Variants in RPS6KC1 observed in about 807,000 individuals in gnomAD.
RPS6KC1 encodes ribosomal protein S6 kinase C1.
Under a neutral mutation model 103.8 loss-of-function variants are expected in RPS6KC1, and 54 were observed. The observed-to-expected ratio is 0.52, with a 90% CI of 0.42 to 0.65. RPS6KC1 has a LOEUF of 0.65. Ranked by LOEUF, RPS6KC1 falls within the 30% of genes least tolerant of loss-of-function variation. RPS6KC1 has a pLI of 0.00. For synonymous variants in RPS6KC1, 439 were observed against 438.7 expected (o/e 1.00, Z -0.01); for missense variants, 1,151 against 1,253.8 (o/e 0.92, Z 1.24).
chr1:213,764,582 A>G, the RPS6KC1 span, among the ~76,000 whole-genome samples: 6 of 152,208 alleles, frequency 3.9e-5, no homozygotes, highest in African/African-American at 1.4e-4. Context: ...TAGTTCTGTG[A>G]TACCATTCCA....
chr1:213,072,238 G>A (rs6540775), intron 2 of RPS6KC1, among the ~76,000 whole-genome samples: 23,990 of 151,742 alleles, frequency 0.16, 5,028 homozygotes, highest in African/African-American at 0.49. Flanking sequence ...TACCTGGCTT[G>A]ATTCATACAT....
At chr1:213,402,755 T>C in the RPS6KC1 span, among the ~76,000 whole-genome samples, 5 of 152,130 alleles carry the variant, frequency 3.3e-5, no homozygotes, top group African/African-American at 4.8e-5. Flanking sequence ...TAAGGAGATC[T>C]ACAGGTGTCT....
At chr1:213,348,503 A>T in the RPS6KC1 span, among the ~76,000 whole-genome samples, 3 of 152,334 alleles carry the variant, frequency 2.0e-5, no homozygotes, top group East Asian at 5.8e-4. Flanking sequence ...CTGTCATTCT[A>T]TCATCTTGAG....
At chr1:213,376,540 T>C in the RPS6KC1 span, among the ~76,000 whole-genome samples, 1 of 151,950 alleles carries the variant, frequency 6.6e-6, no homozygotes, top group African/African-American at 2.4e-5. Flanking sequence ...AAAAAAGATA[T>C]GGTCCCACAG....
At chr1:213,559,371 TGTTA>T in the RPS6KC1 span, among the ~76,000 whole-genome samples, 1 of 152,192 alleles carries the variant, frequency 6.6e-6, no homozygotes, top group African/African-American at 2.4e-5. Context: ...AGCCCTCCTG[TGTTA>T]GTATCTTATT....
rs112319302 is a variant in RPS6KC1, at chr1:213,160,559, G to A, written c.836-7299G>A. On this transcript the variant is annotated intron_variant, in intron 6 of 14. Transcript: ENST00000366960. ...TAACTATTGTTTAAGTTAGAGAAAG[G>A]CACTAAGTTATAGAAAGAGGTAATT... Among the ~76,000 whole-genome samples the A allele has an allele frequency of 4.0e-3, 608 of 152,202 alleles. 3 individuals carry two copies. The highest frequency in any genetic ancestry group is 6.9e-3 in the Non-Finnish European group (467 of 68,008).
the RPS6KC1 span, among the ~76,000 whole-genome samples, chr1:213,805,318 A>G: frequency 6.6e-6 from 1 of 152,224 alleles, no homozygotes; most frequent in African/African-American, 2.4e-5. Flanking sequence ...TGACATATTA[A>G]CCGCAGTAGA....
At chr1:213,145,150 A>G (rs2087592081) in intron 6 of RPS6KC1, among the ~76,000 whole-genome samples, 1 of 152,164 alleles carries the variant, frequency 6.6e-6, no homozygotes, top group African/African-American at 2.4e-5. Flanking sequence ...CAGACAATAT[A>G]TTTAACAATG....
the RPS6KC1 span, among the ~76,000 whole-genome samples, chr1:213,644,650 A>G: frequency 2.6e-4 from 40 of 151,462 alleles, no homozygotes; most frequent in East Asian, 2.3e-3. Flanking sequence ...GGCTCCTTTC[A>G]TTTTAGTAAT....
chr1:213,490,583 C>A, the RPS6KC1 span, among the ~76,000 whole-genome samples: 13 of 152,124 alleles, frequency 8.5e-5, no homozygotes, highest in Non-Finnish European at 1.8e-4. Flanking sequence ...TCTAAAAAGG[C>A]CTGGAGTGCT....
At position 213,093,061 on chromosome 1, in the gene RPS6KC1, G is replaced by T. The variant is rs1412458733; in HGVS notation, c.263-11393G>T. ...TTTCTCCACATCCTTCCATATTATA[G>T]AATGAAAGTTTCATATTAATCTTAA... On this transcript the variant is annotated intron_variant, in intron 3 of 14. Coordinates refer to ENST00000366960, the MANE Select transcript of RPS6KC1 (RefSeq NM_012424.6). 2.0e-5 allele frequency among the ~76,000 whole-genome samples: 3 copies of T among 152,060 alleles called. No homozygotes were observed. In the East Asian group the frequency reaches 5.8e-4, roughly 29 times the overall value.
chr1:213,422,816 G>A, the RPS6KC1 span, among the ~76,000 whole-genome samples: 22 of 152,222 alleles, frequency 1.4e-4, no homozygotes, highest in African/African-American at 5.3e-4. Flanking sequence ...CACCTGCAAG[G>A]ATTCAACCAA....
intron 2 of RPS6KC1, among the ~76,000 whole-genome samples, chr1:213,073,626 C>T (rs1011941162): frequency 6.6e-6 from 1 of 151,960 alleles, no homozygotes; most frequent in Non-Finnish European, 1.5e-5. Flanking sequence ...AAATCTCTAA[C>T]TTTTAAATCC....
At chr1:213,403,122 C>T in the RPS6KC1 span, among the ~76,000 whole-genome samples, 6 of 151,516 alleles carry the variant, frequency 4.0e-5, no homozygotes, top group East Asian at 5.8e-4. Flanking sequence ...AGCAAGACTC[C>T]GTCTCAAAAA....
the RPS6KC1 span, among the ~76,000 whole-genome samples, chr1:213,399,558 A>G: frequency 1.3e-5 from 2 of 152,020 alleles, no homozygotes; most frequent in Non-Finnish European, 2.9e-5. Context: ...TGAGGGCAGT[A>G]TGGCTTTCCC....
chr1:213,768,162 C>A, the RPS6KC1 span, among the ~76,000 whole-genome samples: 1 of 152,118 alleles, frequency 6.6e-6, no homozygotes, highest in African/African-American at 2.4e-5. Context: ...TTTCATGTGG[C>A]AAATTCTATC....
At chr1:213,259,564 A>G (rs374482917) in intron 12 of RPS6KC1, among the ~76,000 whole-genome samples, 3 of 152,198 alleles carry the variant, frequency 2.0e-5, no homozygotes, top group Non-Finnish European at 2.9e-5. Context: ...CTCCGTCTCA[A>G]AAAATACTCA....
At chr1:213,262,603 A>G (rs534366668) in intron 13 of RPS6KC1, 118 bp from the exon 14 acceptor site, 53 of 721,996 alleles carry the variant, frequency 7.3e-5, no homozygotes, top group African/African-American at 7.3e-4. Context: ...TGTGTTGATT[A>G]CTACACTTCC....
chr1:213,628,336 C>G, the RPS6KC1 span, among the ~76,000 whole-genome samples: 14 of 152,134 alleles, frequency 9.2e-5, no homozygotes, highest in East Asian at 2.7e-3. Context: ...GTCTTGCTAG[C>G]GGTCTATCAA....
Sources: allele counts gnomAD v4.1 joint callset (sites outside exome capture counted in the v4.1 genomes callset), GRCh38; gene constraint gnomAD v4.1.1; transcripts MANE v1.5; gene names NCBI Gene and HGNC (gene_info 2026-07-23, HGNC 2026-07-21).